KCTD8: variants seen among roughly 807,000 people sequenced by gnomAD.
The protein encoded by KCTD8 is potassium channel tetramerization domain containing 8, also known as BTB/POZ domain-containing protein KCTD8.
A neutral mutation model predicts 31.5 loss-of-function variants in KCTD8; 27 were observed. That is an observed-to-expected ratio of 0.86 (90% CI 0.63 to 1.18). The LOEUF (loss-of-function observed/expected upper bound fraction) is 1.18. KCTD8 is among the 50% of genes most tolerant of loss of function. KCTD8 has a pLI of 0.00. For synonymous variants in KCTD8, 290 were observed against 280.0 expected, an observed-to-expected ratio of 1.04 and a Z score of -0.36; for missense variants, 658 against 647.7, an observed-to-expected ratio of 1.02 and a Z score of -0.17.
chr4:44,389,061 A>G (rs1720300993), intron 1 of KCTD8, among the ~76,000 whole-genome samples: 1 of 151,780 alleles, frequency 6.6e-6, no homozygotes, highest in South Asian at 2.1e-4. Flanking sequence ...TATTTGTGGA[A>G]GCTAAAAATT....
At chr4:44,234,124 T>G (rs1303636832) in intron 1 of KCTD8, among the ~76,000 whole-genome samples, 7 of 152,184 alleles carry the variant, frequency 4.6e-5, no homozygotes, top group Non-Finnish European at 1.5e-5. Flanking sequence ...AAAACAACCC[T>G]GCAGAGAGTT....
chr4:44,192,150 A>T (rs1713782967), intron 1 of KCTD8, among the ~76,000 whole-genome samples: 1 of 152,254 alleles, frequency 6.6e-6, no homozygotes, highest in Non-Finnish European at 1.5e-5. Flanking sequence ...TAAATGCTTA[A>T]TGCATAAACT....
chr4:44,303,284 A>G (rs1340292932), intron 1 of KCTD8, among the ~76,000 whole-genome samples: 1 of 152,098 alleles, frequency 6.6e-6, no homozygotes, highest in African/African-American at 2.4e-5. Context: ...GAATAGTTTC[A>G]GAAGGAATGG....
chr4:44,280,245 T>G (rs932373635), intron 1 of KCTD8, among the ~76,000 whole-genome samples: 1 of 152,020 alleles, frequency 6.6e-6, no homozygotes, highest in Non-Finnish European at 1.5e-5. Context: ...CTAACTTTTT[T>G]TCCAATCAAA....
chr4:44,396,752 T>G (rs764812242), intron 1 of KCTD8, among the ~76,000 whole-genome samples: 1 of 152,214 alleles, frequency 6.6e-6, no homozygotes, highest in South Asian at 2.1e-4. Context: ...AACCACCTTC[T>G]TAGTGTGCAG....
At chr4:44,432,845 C>A (rs2109478785) in intron 1 of KCTD8, among the ~76,000 whole-genome samples, 1 of 151,768 alleles carries the variant, frequency 6.6e-6, no homozygotes, top group East Asian at 1.9e-4. Flanking sequence ...TATTTTTAGT[C>A]TTAATCTACA....
At chr4:44,372,802 T>C (rs900259091) in intron 1 of KCTD8, among the ~76,000 whole-genome samples, 1 of 152,168 alleles carries the variant, frequency 6.6e-6, no homozygotes, top group Non-Finnish European at 1.5e-5. Context: ...TTCAATTCTT[T>C]TAAAAACCTG....
At chr4:44,416,979 T>C (rs1721090783) in intron 1 of KCTD8, among the ~76,000 whole-genome samples, 1 of 152,198 alleles carries the variant, frequency 6.6e-6, no homozygotes, top group Non-Finnish European at 1.5e-5. Context: ...TTATGAACTT[T>C]TACAGTCACA....
intron 1 of KCTD8, among the ~76,000 whole-genome samples, chr4:44,280,782 C>T (rs868014153): frequency 6.6e-6 from 1 of 152,034 alleles, no homozygotes; most frequent in African/African-American, 2.4e-5. Context: ...TTGCAACCCA[C>T]TATTGAGATG....
intron 1 of KCTD8, among the ~76,000 whole-genome samples, chr4:44,403,877 TA>T (rs1560446469): frequency 6.6e-6 from 1 of 151,926 alleles, no homozygotes; most frequent in Non-Finnish European, 1.5e-5. Context: ...TAATATTTTT[TA>T]AAAATGTTTT....
At chr4:44,318,368 C>A (rs1718200470) in intron 1 of KCTD8, among the ~76,000 whole-genome samples, 2 of 152,112 alleles carry the variant, frequency 1.3e-5, no homozygotes, top group Admixed American at 1.3e-4. Flanking sequence ...GTAGCTGAGA[C>A]TAGAAGTGCA....
intron 1 of KCTD8, among the ~76,000 whole-genome samples, chr4:44,208,136 G>T (rs1714372847): frequency 6.6e-6 from 1 of 151,990 alleles, no homozygotes; most frequent in Admixed American, 6.6e-5. Context: ...TTTAAGAAGG[G>T]GTTCAAATTA....
chr4:44,314,489 C>T (rs1490111823), intron 1 of KCTD8, among the ~76,000 whole-genome samples: 1 of 152,064 alleles, frequency 6.6e-6, no homozygotes, highest in African/African-American at 2.4e-5. Context: ...TCCCTAATTA[C>T]ACAAGTTATA....
intron 1 of KCTD8, among the ~76,000 whole-genome samples, chr4:44,443,792 T>TA (rs1270724341): frequency 6.6e-6 from 1 of 152,188 alleles, no homozygotes; most frequent in Non-Finnish European, 1.5e-5. Context: ...AGGTAGTTTT[T>TA]ATCTAATGAT....
Position 44,174,724 on chromosome 4 carries a change from C to G in KCTD8, c.*66G>C. 8.6e-7 allele frequency: 1 copy of G among 1,162,484 alleles called. No homozygotes were observed. The highest frequency in any genetic ancestry group is 1.2e-6 in the Non-Finnish European group (1 of 808,010). The allele number at this position is 1,162,484 out of a possible 1,614,324, so 72.0% of individuals were successfully genotyped here. ...ATCACACTGACCATTGTTAGGACAT[C>G]AGTCAGGTGGTGACACTGTAGTAAA... On this transcript the variant is annotated 3_prime_UTR_variant, in exon 2 of 2. Transcript: ENST00000360029.
chr4:44,333,151 T>C (rs372544913), intron 1 of KCTD8, among the ~76,000 whole-genome samples: 1 of 152,140 alleles, frequency 6.6e-6, no homozygotes, highest in African/African-American at 2.4e-5. Flanking sequence ...GTGCAATGAA[T>C]ATCTCATAGA....
At chr4:44,299,835 C>G (rs548147303) in intron 1 of KCTD8, among the ~76,000 whole-genome samples, 1 of 150,692 alleles carries the variant, frequency 6.6e-6, no homozygotes, top group Non-Finnish European at 1.5e-5. Flanking sequence ...TCACTGCAAC[C>G]TCCGTCTCCT....
Position 44,281,818 on chromosome 4 carries a change from T to A in KCTD8, c.962-106568A>T, listed in dbSNP as rs765062548. Among the ~76,000 whole-genome samples the A allele has an allele frequency of 7.3e-4, 111 of 152,080 alleles. 1 individual carries two copies. Among genetic ancestry groups the A allele is most frequent in the Non-Finnish European group, 2.2e-4 (15 of 67,998 alleles). Reference sequence around the variant, plus strand: ...GGAGTAATCCTTTCTCATAAAATAATTAAAACCAGAGGCCCTCAGCTTTTT... The same window carrying A: ...GGAGTAATCCTTTCTCATAAAATAAATAAAACCAGAGGCCCTCAGCTTTTT... On this transcript the variant is annotated intron_variant, in intron 1 of 1. Coordinates refer to ENST00000360029, the MANE Select transcript of KCTD8 (RefSeq NM_198353.3).
chr4:44,339,254 T>C (rs1188072859), intron 1 of KCTD8, among the ~76,000 whole-genome samples: 3 of 152,116 alleles, frequency 2.0e-5, no homozygotes, highest in East Asian at 1.9e-4. Flanking sequence ...GAAGAATCCC[T>C]CAAATCACAA....
Sources: gnomAD v4.1 joint callset for allele counts (sites outside exome capture counted in the v4.1 genomes callset) on GRCh38, gnomAD v4.1.1 for gene constraint, MANE v1.5 for transcripts, NCBI Gene and HGNC (gene_info 2026-07-23, HGNC 2026-07-21) for gene names.